The following PPM1D variants were observed in gnomAD, a reference collection of about 807,000 sequenced individuals.
PPM1D encodes the protein protein phosphatase 1D.
Under a neutral mutation model 58.3 loss-of-function variants are expected in PPM1D, and 52 were observed. The ratio of observed to expected loss-of-function variants is 0.89; its 90% confidence interval spans 0.71 to 1.12. The LOEUF (loss-of-function observed/expected upper bound fraction) is 1.12. Ranked by LOEUF, PPM1D falls within the 50% of genes most tolerant of loss-of-function variation. The pLI is 0.00. For synonymous variants in PPM1D, 278 were observed against 285.1 expected (o/e 0.98, Z 0.25); for missense variants, 564 against 777.2 (o/e 0.73, Z 3.26).
At position 60,600,671 on chromosome 17, in the gene PPM1D, C is replaced by A. The variant is rs201612900; in HGVS notation, c.257C>A (p.Pro86Gln). Reference protein sequence around the residue: ...RDPLPDAGASPAPSRCCRRRS... With the variant: ...RDPLPDAGASQAPSRCCRRRS... ...CCTCTCCCGGACGCCGGGGCCTCGC[C>A]GGCACCTAGCCGCTGCTGCCGCCGC... The change falls in exon 1 of 6, where the codon CCG (proline) becomes CAG (glutamine). Residue 86 changes from proline to glutamine, a missense_variant. Pro to Gln is a moderately conservative substitution (Grantham distance 76). Around this residue, in one of 7 missense-constraint regions of PPM1D, gnomAD observed 132 missense variants for 150.4 expected, o/e 0.88. Transcript: ENST00000305921. The A allele has an allele frequency of 5.0e-4, 786 of 1,563,782 alleles. 3 individuals are homozygous for A. The Middle Eastern group carries it at 6.9e-3, about 14-fold the overall frequency.
Position 60,663,262 on chromosome 17 carries a change from CAAAA to C in PPM1D, c.1532_1535del (p.Lys511IlefsTer2). The C allele has an allele frequency of 6.2e-7, 1 of 1,613,988 alleles. No homozygotes were observed. The highest frequency in any genetic ancestry group is 2.2e-5 in the East Asian group (1 of 44,878). ...TAATTCAACAAACACTGTCATGGAC[CAAAA>C]AAATTTGAAGATGTCAACTCCTGGC... On this transcript the variant is annotated frameshift_variant, in exon 6 of 6. Transcript: ENST00000305921. LOFTEE classifies it high-confidence loss of function.
chr17:60,614,026 G>A (rs368152623), intron 1 of PPM1D, among the ~76,000 whole-genome samples: 3 of 39,526 alleles, frequency 7.6e-5, no homozygotes, highest in East Asian at 2.4e-3. Context: ...GAGTGTGGGC[G>A]CAAGGCCCGG....
At chr17:60,647,299 G>A (rs74257518) in intron 3 of PPM1D, among the ~76,000 whole-genome samples, 6,416 of 152,102 alleles carry the variant, frequency 0.042, 367 homozygotes, top group African/African-American at 0.13. Context: ...CATGTATACC[G>A]TTTGTTAAAG....
rs1456766576 is a variant in PPM1D, at chr17:60,600,682, C to T, written c.268C>T (p.Arg90Cys). 3 of 1,579,614 alleles carry T rather than the reference C, an allele frequency of 1.9e-6. No homozygotes were observed. The highest frequency in any genetic ancestry group is 2.6e-6 in the Non-Finnish European group (3 of 1,165,312). The change falls in exon 1 of 6, where the codon CGC becomes TGC. Residue 90 changes from arginine to cysteine, a missense_variant. Physicochemically the swap from Arg to Cys is radical, Grantham distance 180. This residue lies in a region of PPM1D where 132 missense variants were observed against 150.4 expected (regional missense o/e 0.88). Coordinates refer to ENST00000305921, the MANE Select transcript of PPM1D (RefSeq NM_003620.4). ...PDAGASPAPS[R>C]CCRRRSSVAF... Reference sequence around the variant, plus strand: ...CGCCGGGGCCTCGCCGGCACCTAGCCGCTGCTGCCGCCGCCGTTCCTCCGT... The same window carrying T: ...CGCCGGGGCCTCGCCGGCACCTAGCTGCTGCTGCCGCCGCCGTTCCTCCGT...
At position 60,663,108 on chromosome 17, in the gene PPM1D, A is replaced by G. The variant is rs2031554529; in HGVS notation, c.1374A>G (p.Arg458=). The part of the protein sequence containing the change: ...NFLEVSAEIA[R]ENVQGVVIPS... ...TAGAGGTTTCAGCTGAGATAGCTCG[A>G]GAGAATGTCCAAGGTGTAGTCATAC... Residue 458 remains arginine (R), a synonymous_variant, in exon 6 of 6, where the codon CGA becomes CGG. Transcript: ENST00000305921. 6.2e-7 allele frequency: 1 copy of G among 1,614,076 alleles called. No homozygotes were observed. The highest frequency in any genetic ancestry group is 1.3e-5 in the African/African-American group (1 of 74,944).
chr17:60,634,978 C>G (rs1420780731), intron 3 of PPM1D, among the ~76,000 whole-genome samples: 1 of 151,940 alleles, frequency 6.6e-6, no homozygotes, highest in Admixed American at 6.6e-5. Flanking sequence ...CGGGGTCTCA[C>G]TGTGTTGCCC....
intron 4 of PPM1D, among the ~76,000 whole-genome samples, chr17:60,651,590 G>T (rs889074432): frequency 7.9e-5 from 12 of 151,782 alleles, no homozygotes; most frequent in Non-Finnish European, 1.2e-4. Flanking sequence ...TAGAGACGGG[G>T]TTTCACCACA....
chr17:60,626,458 G>A (rs2030811003), intron 2 of PPM1D, among the ~76,000 whole-genome samples: 1 of 150,892 alleles, frequency 6.6e-6, no homozygotes, highest in Non-Finnish European at 1.5e-5. Context: ...GCAGTGGCGC[G>A]ATCTCGGCTC....
At chr17:60,645,449 A>AAT (rs1229193354) in intron 3 of PPM1D, among the ~76,000 whole-genome samples, 2,008 of 108,088 alleles carry the variant, frequency 0.019, 50 homozygotes, top group African/African-American at 0.06. Context: ...AGCAATGTAA[A>AAT]ATATATATGT....
At chr17:60,656,574 C>T in intron 4 of PPM1D, 25 bp from the exon 5 acceptor site, 1 of 1,606,040 alleles carries the variant, frequency 6.2e-7, no homozygotes. Flanking sequence ...AGTTACTTTC[C>T]TTCTCCTTGT....
At chr17:60,659,566 T>A (rs2031494050) in intron 5 of PPM1D, among the ~76,000 whole-genome samples, 1 of 152,254 alleles carries the variant, frequency 6.6e-6, no homozygotes, top group Non-Finnish European at 1.5e-5. Flanking sequence ...GCAAAGAGTT[T>A]CAGAAAATTA....
At chr17:60,633,274 G>C (rs756725327) in intron 2 of PPM1D, among the ~76,000 whole-genome samples, 4 of 152,170 alleles carry the variant, frequency 2.6e-5, no homozygotes, top group Non-Finnish European at 4.4e-5. Context: ...AACAGAGTGA[G>C]ACTCCATCTC....
In PPM1D at chr17:60,600,582, C is replaced by T. The variant is rs2030183846; in HGVS notation, c.168C>T (p.Ala56=). 21 of 1,553,888 alleles carry T rather than the reference C, an allele frequency of 1.4e-5. No individual in the cohort carries two copies. In the East Asian group the frequency reaches 5.1e-4, roughly 38 times the overall value. The change falls in exon 1 of 6, where the codon GCC becomes GCT. Residue 56 remains alanine (A), a synonymous_variant. Transcript: ENST00000305921. ...CGTTGCCTCCGCGGCCGTCGCCGGCCGCCCTTCCCGGCGGCGAAGTCTCGG... is the reference window on the plus strand; with the variant it reads ...CGTTGCCTCCGCGGCCGTCGCCGGCTGCCCTTCCCGGCGGCGAAGTCTCGG... ...SQPLPPRPSP[A]ALPGGEVSGK...
chr17:60,614,665 T>C (rs1186879049), intron 1 of PPM1D, among the ~76,000 whole-genome samples: 1 of 152,186 alleles, frequency 6.6e-6, no homozygotes, highest in African/African-American at 2.4e-5. Flanking sequence ...ACTGTCTTTA[T>C]GAGCTGTAAC....
intron 5 of PPM1D, among the ~76,000 whole-genome samples, chr17:60,657,968 T>A (rs2031469151): frequency 6.6e-6 from 1 of 152,218 alleles, no homozygotes; most frequent in South Asian, 2.1e-4. Context: ...CTTGAACTCC[T>A]GACCTCAGGT....
At chr17:60,639,837 A>G (rs894451402) in intron 3 of PPM1D, among the ~76,000 whole-genome samples, 1 of 152,224 alleles carries the variant, frequency 6.6e-6, no homozygotes, top group African/African-American at 2.4e-5. Flanking sequence ...AGTTTTGAAG[A>G]ATTACTGGAG....
chr17:60,664,362 TTTCAATAACAG>T lies in PPM1D; in HGVS notation c.*811_*821del. ...AAAATATGTGAAGTTTTCCTTGCTA[TTTCAATAACAG>T]ATGGTGCTGCTAATTCCCAACATTT... On this transcript the variant is annotated 3_prime_UTR_variant, in exon 6 of 6. Coordinates refer to ENST00000305921, the MANE Select transcript of PPM1D (RefSeq NM_003620.4). The T allele has an allele frequency of 6.5e-6, 1 of 152,684 alleles. No homozygotes were observed. Among genetic ancestry groups the T allele is most frequent in the Non-Finnish European group, 1.5e-5 (1 of 68,050 alleles). The allele number at this position is 152,684 out of a possible 1,614,324, so 9.5% of individuals were successfully genotyped here.
At chr17:60,639,123 A>T (rs7213795) in intron 3 of PPM1D, among the ~76,000 whole-genome samples, 6,984 of 151,116 alleles carry the variant, frequency 0.046, 575 homozygotes, top group African/African-American at 0.16. Flanking sequence ...AAAAAAAATT[A>T]TTTTTTTTTG....
chr17:60,609,480 G>A (rs1463265611), intron 1 of PPM1D, among the ~76,000 whole-genome samples: 2 of 152,180 alleles, frequency 1.3e-5, no homozygotes, highest in African/African-American at 4.8e-5. Flanking sequence ...TCTGCAGTTT[G>A]TTAACTTTGT....
Sources: gnomAD v4.1 joint callset for allele counts (sites outside exome capture counted in the v4.1 genomes callset) on GRCh38, gnomAD v4.1.1 for gene constraint, gnomAD v4.1.1 regional missense constraint, MANE v1.5 for transcripts, NCBI Gene and HGNC (gene_info 2026-07-23, HGNC 2026-07-21) for gene names.